Variants in COBL observed in about 807,000 individuals in gnomAD.
COBL encodes protein cordon-bleu.
In COBL, 51 loss-of-function variants were observed where a neutral mutation model predicts 98.8. The ratio of observed to expected loss-of-function variants is 0.52; its 90% CI spans 0.41 to 0.65. COBL has a LOEUF of 0.65. COBL is among the 30% of genes least tolerant of loss of function. The pLI is 0.00. For synonymous variants in COBL, 634 were observed against 651.7 expected (o/e 0.97, Z 0.41); for missense variants, 1,617 against 1,617.5 (o/e 1.00, Z 0.01).
chr7:51,228,043 A>G (rs1234835401), intron 1 of COBL, among the ~76,000 whole-genome samples: 1 of 152,214 alleles, frequency 6.6e-6, no homozygotes, highest in African/African-American at 2.4e-5. Context: ...GCCACATTTC[A>G]GGGCACACAA....
At chr7:51,144,413 C>T (rs530457613) in intron 5 of COBL, among the ~76,000 whole-genome samples, 1 of 152,290 alleles carries the variant, frequency 6.6e-6, no homozygotes, top group African/African-American at 2.4e-5. Context: ...AACTCAGCTG[C>T]ACGGAACTCC....
intron 2 of COBL, 52 bp downstream of exon 2, chr7:51,219,689 G>T (rs73697833): frequency 4.5e-6 from 7 of 1,569,816 alleles, no homozygotes; most frequent in Non-Finnish European, 6.1e-6. Context: ...CATTCTCCCC[G>T]CTATACTCGC....
chr7:51,064,067 C>G (rs1459983469), intron 7 of COBL, among the ~76,000 whole-genome samples: 1 of 152,184 alleles, frequency 6.6e-6, no homozygotes, highest in Admixed American at 6.5e-5. Flanking sequence ...TGTGGAGCAA[C>G]CTGGTTGTCT....
intron 5 of COBL, among the ~76,000 whole-genome samples, chr7:51,154,386 G>A (rs192321809): frequency 1.3e-5 from 2 of 152,364 alleles, no homozygotes; most frequent in Admixed American, 6.5e-5. Context: ...GGGGCTTTGA[G>A]AGGCTTAGAG....
At chr7:51,169,683 A>G (rs1429435621) in intron 5 of COBL, among the ~76,000 whole-genome samples, 5 of 152,178 alleles carry the variant, frequency 3.3e-5, no homozygotes, top group Non-Finnish European at 7.3e-5. Flanking sequence ...GAGTAGAAGG[A>G]TGGCACAGGT....
intron 6 of COBL, among the ~76,000 whole-genome samples, chr7:51,112,693 T>C (rs917269435): frequency 1.3e-5 from 2 of 152,230 alleles, no homozygotes; most frequent in Admixed American, 6.5e-5. Context: ...TAGTCTGGCC[T>C]TGCTTTGCAG....
At chr7:51,220,525 G>T (rs1793534471) in intron 1 of COBL, among the ~76,000 whole-genome samples, 1 of 152,172 alleles carries the variant, frequency 6.6e-6, no homozygotes, top group South Asian at 2.1e-4. Context: ...ATGGTAAAGG[G>T]ATTACTAACG....
chr7:51,304,376 C>T (rs575766672), intron 1 of COBL, among the ~76,000 whole-genome samples: 4 of 152,226 alleles, frequency 2.6e-5, no homozygotes, highest in African/African-American at 4.8e-5. Context: ...ACTTCCTCAT[C>T]GGTGTGACCC....
At position 51,029,212 on chromosome 7, in the gene COBL, C is replaced by T. The variant is rs376323100; in HGVS notation, c.1884G>A (p.Ala628=). Residue 628 remains alanine (A), a synonymous_variant, in exon 10 of 13, where the codon GCG becomes GCA. Coordinates refer to ENST00000265136, the MANE Select transcript of COBL (RefSeq NM_015198.5). The part of the protein sequence containing the change: ...ISKDGNLMET[A]PRVTSFASNL... Reference sequence around the variant, plus strand: ...TCGAAGCAAAAGAAGTCACCCTGGGCGCCGTTTCCATTAGATTCCCATCTT... The same window carrying T: ...TCGAAGCAAAAGAAGTCACCCTGGGTGCCGTTTCCATTAGATTCCCATCTT... The T allele has an allele frequency of 4.6e-5, 75 of 1,614,028 alleles. 1 individual carries two copies. Among genetic ancestry groups the T allele is most frequent in the African/African-American group, 1.3e-4 (10 of 75,022 alleles).
At chr7:51,290,456 T>A (rs1270893251) in intron 1 of COBL, among the ~76,000 whole-genome samples, 1 of 152,234 alleles carries the variant, frequency 6.6e-6, no homozygotes, top group Non-Finnish European at 1.5e-5. Context: ...AAAGCTTGTC[T>A]ACATTGTAAA....
chr7:51,076,109 G>A (rs1191835160), intron 7 of COBL, among the ~76,000 whole-genome samples: 1 of 152,206 alleles, frequency 6.6e-6, no homozygotes, highest in Non-Finnish European at 1.5e-5. Context: ...CCAGCCAAGG[G>A]CAAGAATGCT....
chr7:51,232,791 A>G (rs1208586943), intron 1 of COBL, among the ~76,000 whole-genome samples: 1 of 152,114 alleles, frequency 6.6e-6, no homozygotes, highest in Non-Finnish European at 1.5e-5. Flanking sequence ...AGCCTGGATG[A>G]CAGAGAGAGA....
At chr7:51,032,891 T>C (rs1198957156) in intron 8 of COBL, 1 of 152,048 alleles carries the variant, frequency 6.6e-6, no homozygotes, top group African/African-American at 2.4e-5. Flanking sequence ...GGAAAAGAGA[T>C]TTAAATACTT....
chr7:51,034,208 C>G (rs374796550), intron 8 of COBL: 2 of 152,604 alleles, frequency 1.3e-5, no homozygotes, highest in South Asian at 2.1e-4. Flanking sequence ...TTTGCTCCCC[C>G]ACACTTCAGT....
chr7:51,279,307 A>T (rs968887337), intron 1 of COBL, among the ~76,000 whole-genome samples: 2 of 152,252 alleles, frequency 1.3e-5, no homozygotes, highest in Non-Finnish European at 2.9e-5. Context: ...ACTAAAGGGA[A>T]TGGGTGGCAT....
intron 5 of COBL, among the ~76,000 whole-genome samples, chr7:51,137,612 C>T (rs1207748394): frequency 6.6e-6 from 1 of 151,540 alleles, no homozygotes; most frequent in African/African-American, 2.4e-5. Context: ...GAGTTCTTGG[C>T]ACAAAGTAAG....
intron 6 of COBL, among the ~76,000 whole-genome samples, chr7:51,109,203 G>A (rs138657040): frequency 1.3e-4 from 20 of 152,026 alleles, no homozygotes; most frequent in African/African-American, 1.7e-4. Flanking sequence ...ATGGTGCTCC[G>A]CAGGGCTGCC....
At chr7:51,176,407 C>T (rs185402343) in intron 5 of COBL, among the ~76,000 whole-genome samples, 1 of 150,866 alleles carries the variant, frequency 6.6e-6, no homozygotes, top group East Asian at 1.9e-4. Context: ...TATACACACA[C>T]AGACACACAC....
At chr7:51,253,566 G>T (rs1796934883) in intron 1 of COBL, among the ~76,000 whole-genome samples, 1 of 152,216 alleles carries the variant, frequency 6.6e-6, no homozygotes, top group Non-Finnish European at 1.5e-5. Context: ...TCTAATTATA[G>T]AGAGAGTGAA....
Sources: allele counts gnomAD v4.1 joint callset (sites outside exome capture counted in the v4.1 genomes callset), GRCh38; gene constraint gnomAD v4.1.1; transcripts MANE v1.5; gene names NCBI Gene and HGNC (gene_info 2026-07-23, HGNC 2026-07-21).